CAMTA1: variants seen among roughly 807,000 people sequenced by gnomAD.
The protein encoded by CAMTA1 is calmodulin-binding transcription activator 1.
In CAMTA1, 27 loss-of-function variants were observed where a neutral mutation model predicts 170.9. That is an observed-to-expected ratio of 0.16 (90% CI 0.12 to 0.22). The LOEUF is 0.22. CAMTA1 is among the 10% of genes least tolerant of loss of function. The probability of loss-of-function intolerance (pLI) is 1.00; values close to 1 mark genes in which losing one functional copy is unlikely to be tolerated. For missense variants in CAMTA1, 1,619 were observed against 2,217.2 expected, an observed-to-expected ratio of 0.73 and a Z score of 5.42; for synonymous variants, 833 against 891.5, an observed-to-expected ratio of 0.93 and a Z score of 1.17.
chr1:7,135,053 T>G (rs1645466034), intron 4 of CAMTA1, among the ~76,000 whole-genome samples: 1 of 152,060 alleles, frequency 6.6e-6, no homozygotes, highest in African/African-American at 2.4e-5. Flanking sequence ...AAAACCACAG[T>G]GAGATCCTAC....
At chr1:7,140,088 G>C (rs1031620431) in intron 4 of CAMTA1, among the ~76,000 whole-genome samples, 1 of 152,158 alleles carries the variant, frequency 6.6e-6, no homozygotes, top group East Asian at 1.9e-4. Flanking sequence ...GCTCAGAGAG[G>C]TGAAGTACTT....
At chr1:6,982,807 AGAGGGGTGGG>A (rs886429825) in intron 3 of CAMTA1, among the ~76,000 whole-genome samples, 4 of 141,492 alleles carry the variant, frequency 2.8e-5, no homozygotes, top group East Asian at 2.5e-4. Context: ...TGCTGGCCGT[AGAGGGGTGGG>A]GAGGGGTGGG....
chr1:7,656,823 G>C (rs956634549), intron 7 of CAMTA1, among the ~76,000 whole-genome samples: 6 of 152,262 alleles, frequency 3.9e-5, no homozygotes, highest in Admixed American at 3.9e-4. Flanking sequence ...GCCACACGCT[G>C]TTGTCATTGA....
intron 3 of CAMTA1, among the ~76,000 whole-genome samples, chr1:7,037,013 G>C (rs1173449040): frequency 6.6e-6 from 1 of 152,144 alleles, no homozygotes; most frequent in Non-Finnish European, 1.5e-5. Context: ...GTTTTATAAT[G>C]GGATCATTTA....
At chr1:7,397,054 C>T (rs958292768) in intron 5 of CAMTA1, among the ~76,000 whole-genome samples, 1 of 152,066 alleles carries the variant, frequency 6.6e-6, no homozygotes, top group African/African-American at 2.4e-5. Flanking sequence ...TTTTTGGAAT[C>T]GTTTGGAAAA....
Position 7,611,085 on chromosome 1 carries a change from A to G in CAMTA1, c.511-29315A>G, listed in dbSNP as rs570884723. On this transcript the variant is annotated intron_variant, in intron 6 of 22. Coordinates refer to ENST00000303635, the MANE Select transcript of CAMTA1 (RefSeq NM_015215.4). The stretch of plus-strand genomic sequence containing the variant: ...ATTTTCTCCTCTGTAAAGCAGGCAG[A>G]GTGAAAGTACCCACCTCCGGGACTG... 7.9e-5 allele frequency among the ~76,000 whole-genome samples: 12 copies of G among 152,238 alleles called. No homozygotes were observed. The South Asian group carries it at 2.3e-3, about 29-fold the overall frequency.
intron 5 of CAMTA1, among the ~76,000 whole-genome samples, chr1:7,314,546 A>G (rs886397659): frequency 1.3e-5 from 2 of 152,208 alleles, no homozygotes; most frequent in Non-Finnish European, 2.9e-5. Context: ...CTTTTTTATC[A>G]TGGAACCTGA....
chr1:7,371,029 A>C (rs1350744327), intron 5 of CAMTA1, among the ~76,000 whole-genome samples: 2 of 145,632 alleles, frequency 1.4e-5, no homozygotes, highest in African/African-American at 5.1e-5. Context: ...CTCCTGCCTC[A>C]GCCTCCAGAG....
intron 3 of CAMTA1, among the ~76,000 whole-genome samples, chr1:6,976,889 G>A (rs764533822): frequency 2.6e-5 from 4 of 152,142 alleles, no homozygotes; most frequent in Non-Finnish European, 4.4e-5. Context: ...TGCTGTTCTC[G>A]TGATAGTGAA....
intron 1 of CAMTA1, among the ~76,000 whole-genome samples, chr1:6,819,706 TC>T (rs1189015123): frequency 6.6e-6 from 1 of 152,170 alleles, no homozygotes; most frequent in African/African-American, 2.4e-5. Context: ...AAGAACGGTT[TC>T]CCCCTGAGCC....
chr1:6,894,976 A>T (rs2149163888), intron 3 of CAMTA1, among the ~76,000 whole-genome samples: 1 of 152,336 alleles, frequency 6.6e-6, no homozygotes, highest in South Asian at 2.1e-4. Flanking sequence ...AAGACTTTTC[A>T]GTAGGGAGGG....
At chr1:7,749,479 T>C (rs1245243412) in intron 19 of CAMTA1, among the ~76,000 whole-genome samples, 1 of 151,880 alleles carries the variant, frequency 6.6e-6, no homozygotes, top group African/African-American at 2.4e-5. Flanking sequence ...ATACACAGAA[T>C]GAAGGTTTCA....
At chr1:7,422,323 C>A (rs2091617305) in intron 5 of CAMTA1, among the ~76,000 whole-genome samples, 1 of 152,132 alleles carries the variant, frequency 6.6e-6, no homozygotes, top group African/African-American at 2.4e-5. Flanking sequence ...CATCCAGGGC[C>A]TGGTGGATCC....
At chr1:6,868,562 G>A (rs1419134105) in intron 3 of CAMTA1, among the ~76,000 whole-genome samples, 2 of 151,744 alleles carry the variant, frequency 1.3e-5, no homozygotes, top group Non-Finnish European at 2.9e-5. Flanking sequence ...TACTAGAAAT[G>A]ACATTCTTTG....
chr1:7,431,667 A>G (rs1436162053), intron 5 of CAMTA1, among the ~76,000 whole-genome samples: 1 of 152,148 alleles, frequency 6.6e-6, no homozygotes, highest in African/African-American at 2.4e-5. Context: ...GGCGCCGCTC[A>G]AGCATACCCC....
intron 5 of CAMTA1, among the ~76,000 whole-genome samples, chr1:7,250,182 T>C (rs966198984): frequency 1.3e-4 from 20 of 152,202 alleles, no homozygotes; most frequent in African/African-American, 4.8e-4. Flanking sequence ...TGGGCCGACT[T>C]CGGGTTTTGG....
chr1:7,489,687 A>G (rs2093673648), intron 6 of CAMTA1, among the ~76,000 whole-genome samples: 1 of 152,172 alleles, frequency 6.6e-6, no homozygotes, highest in Non-Finnish European at 1.5e-5. Context: ...CACACTCGTT[A>G]AAGTGGCACG....
At chr1:6,831,221 G>A (rs986841174) in intron 3 of CAMTA1, among the ~76,000 whole-genome samples, 4 of 152,156 alleles carry the variant, frequency 2.6e-5, no homozygotes, top group African/African-American at 7.2e-5. Context: ...TGAGCATTAA[G>A]CCTGACTTTT....
At chr1:7,666,102 G>A (rs1236416018) in intron 9 of CAMTA1, among the ~76,000 whole-genome samples, 1 of 151,750 alleles carries the variant, frequency 6.6e-6, no homozygotes, top group African/African-American at 2.4e-5. Context: ...CCGGGAGGTG[G>A]AGGTTGCAGT....
Sources: gnomAD v4.1 joint callset for allele counts (sites outside exome capture counted in the v4.1 genomes callset) on GRCh38, gnomAD v4.1.1 for gene constraint, MANE v1.5 for transcripts, NCBI Gene and HGNC (gene_info 2026-07-23, HGNC 2026-07-21) for gene names.